Variants in ATXN1 observed in about 807,000 individuals in gnomAD.
The protein encoded by ATXN1 is ataxin-1.
In ATXN1, 8 loss-of-function variants were observed where a neutral mutation model predicts 56.4. The observed-to-expected ratio is 0.14, with a 90% confidence interval of 0.08 to 0.26. The LOEUF (loss-of-function observed/expected upper bound fraction) is 0.26. Among genes scored for constraint, ATXN1 ranks in the 10% least tolerant of loss-of-function variants. The pLI is 1.00. For synonymous variants in ATXN1, 514 were observed against 494.6 expected, an observed-to-expected ratio of 1.04 and a Z score of -0.52; for missense variants, 987 against 1,106.5, an observed-to-expected ratio of 0.89 and a Z score of 1.53.
chr6:16,431,418 A>G (rs1759281971), intron 6 of ATXN1, among the ~76,000 whole-genome samples: 1 of 152,186 alleles, frequency 6.6e-6, no homozygotes, highest in African/African-American at 2.4e-5. Flanking sequence ...GTGGGCAGAA[A>G]TGGGCAAATT....
At chr6:16,474,072 TG>T (rs1466125477) in intron 6 of ATXN1, among the ~76,000 whole-genome samples, 21 of 152,230 alleles carry the variant, frequency 1.4e-4, no homozygotes, top group African/African-American at 4.6e-4. Flanking sequence ...CTTTATGATC[TG>T]GCTTTTTCTT....
At chr6:16,335,025 T>C (rs191655012) in intron 6 of ATXN1, among the ~76,000 whole-genome samples, 3 of 152,318 alleles carry the variant, frequency 2.0e-5, no homozygotes, top group East Asian at 3.9e-4. Context: ...AGGGTCAGGA[T>C]AGAAACTCAG....
At chr6:16,411,597 T>C (rs1350739889) in intron 6 of ATXN1, among the ~76,000 whole-genome samples, 5 of 151,888 alleles carry the variant, frequency 3.3e-5, no homozygotes, top group Admixed American at 6.6e-5. Flanking sequence ...ATTTAAGACA[T>C]TGGGGAGAAA....
chr6:16,638,103 C>G (rs544229392), intron 3 of ATXN1, among the ~76,000 whole-genome samples: 19 of 152,028 alleles, frequency 1.2e-4, no homozygotes, highest in Non-Finnish European at 2.5e-4. Flanking sequence ...GTTTATAAAA[C>G]TAGTCAAGGG....
chr6:16,574,004 G>C (rs1762377444), intron 4 of ATXN1, among the ~76,000 whole-genome samples: 1 of 152,088 alleles, frequency 6.6e-6, no homozygotes, highest in Admixed American at 6.6e-5. Flanking sequence ...CTGTGGATTG[G>C]TATTGTGCCC....
At chr6:16,477,660 C>A (rs1328125168) in intron 6 of ATXN1, among the ~76,000 whole-genome samples, 1 of 152,222 alleles carries the variant, frequency 6.6e-6, no homozygotes, top group Non-Finnish European at 1.5e-5. Flanking sequence ...TCCAACTCTG[C>A]ATGCCAGTGC....
At chr6:16,422,115 GAGC>G (rs761263120) in intron 6 of ATXN1, among the ~76,000 whole-genome samples, 6 of 151,920 alleles carry the variant, frequency 3.9e-5, no homozygotes, top group Non-Finnish European at 7.4e-5. Context: ...TTCCAAGTTG[GAGC>G]AGAACAGCCT....
intron 6 of ATXN1, among the ~76,000 whole-genome samples, chr6:16,475,521 C>G (rs1037443340): frequency 6.6e-6 from 1 of 152,186 alleles, no homozygotes. Flanking sequence ...AACAGGTCAT[C>G]AGGGTAGGTG....
chr6:16,477,148 C>T (rs766278942), intron 6 of ATXN1, among the ~76,000 whole-genome samples: 3 of 152,196 alleles, frequency 2.0e-5, no homozygotes, highest in Non-Finnish European at 2.9e-5. Context: ...TCTCTTTCTT[C>T]GTGAAAAATG....
At chr6:16,552,279 T>C (rs936064410) in intron 4 of ATXN1, among the ~76,000 whole-genome samples, 7 of 152,230 alleles carry the variant, frequency 4.6e-5, no homozygotes, top group Non-Finnish European at 5.9e-5. Context: ...GCTCACTCTA[T>C]GTCTAATGAG....
chr6:16,437,689 A>G (rs2237197), intron 6 of ATXN1, among the ~76,000 whole-genome samples: 34,573 of 152,116 alleles, frequency 0.23, 4,632 homozygotes, highest in African/African-American at 0.38. Context: ...TTATAATTTG[A>G]TTAACTTACA....
At chr6:16,531,184 G>A (rs1044264782) in intron 4 of ATXN1, among the ~76,000 whole-genome samples, 1 of 152,210 alleles carries the variant, frequency 6.6e-6, no homozygotes, top group African/African-American at 2.4e-5. Flanking sequence ...CAGGCAGCAA[G>A]TTGCCTGTGG....
chr6:16,544,525 GTA>G (rs1441300063), intron 4 of ATXN1, among the ~76,000 whole-genome samples: 1 of 152,182 alleles, frequency 6.6e-6, no homozygotes, highest in Non-Finnish European at 1.5e-5. Flanking sequence ...ATTTGGGTGT[GTA>G]TTCAATTCTC....
chr6:16,591,878 T>C (rs1450589949), intron 3 of ATXN1, among the ~76,000 whole-genome samples: 1 of 152,192 alleles, frequency 6.6e-6, no homozygotes, highest in Non-Finnish European at 1.5e-5. Flanking sequence ...CATTTTTTAG[T>C]GAAATGAAAC....
intron 2 of ATXN1, among the ~76,000 whole-genome samples, chr6:16,704,898 G>A (rs1040674107): frequency 2.0e-5 from 3 of 152,188 alleles, no homozygotes; most frequent in Non-Finnish European, 2.9e-5. Flanking sequence ...AGCACTCAGC[G>A]AGGGGGAGGG....
intron 6 of ATXN1, among the ~76,000 whole-genome samples, chr6:16,403,360 A>G (rs1255405256): frequency 6.6e-6 from 1 of 152,150 alleles, no homozygotes; most frequent in Non-Finnish European, 1.5e-5. Context: ...CTTTAAAAAA[A>G]AATTTTTTAA....
At chr6:16,703,609 A>G (rs1490845444) in intron 2 of ATXN1, among the ~76,000 whole-genome samples, 1 of 152,236 alleles carries the variant, frequency 6.6e-6, no homozygotes, top group Non-Finnish European at 1.5e-5. Flanking sequence ...AACAATGACT[A>G]TACTGGGCTG....
At chr6:16,670,777 C>T (rs900923054) in intron 2 of ATXN1, among the ~76,000 whole-genome samples, 2 of 152,212 alleles carry the variant, frequency 1.3e-5, no homozygotes, top group Admixed American at 1.3e-4. Flanking sequence ...TATTTTTAAG[C>T]AGTTACTAAA....
chr6:16,375,658 T>C lies in ATXN1; in HGVS notation c.-160-47188A>G, dbSNP rs145864988. ...GATAATTTCCATCAGACCACAATGC[T>C]TGTATCTTTATTTTTTTTTTTCCTG... is the stretch of plus-strand genomic sequence containing the variant. On this transcript the variant is annotated intron_variant, in intron 6 of 7. Coordinates refer to ENST00000436367, the MANE Select transcript of ATXN1 (RefSeq NM_001128164.2). Among the ~76,000 whole-genome samples, 691 of 152,364 alleles carry C rather than the reference T, an allele frequency of 4.5e-3. 2 individuals are homozygous for C. Among genetic ancestry groups the C allele is most frequent in the Non-Finnish European group, 7.9e-3 (538 of 68,038 alleles).
Sources: gnomAD v4.1 joint callset for allele counts (sites outside exome capture counted in the v4.1 genomes callset) on GRCh38, gnomAD v4.1.1 for gene constraint, MANE v1.5 for transcripts, NCBI Gene and HGNC (gene_info 2026-07-23, HGNC 2026-07-21) for gene names.